PCDHAC1: variants seen among roughly 807,000 people sequenced by gnomAD.
The protein encoded by PCDHAC1 is protocadherin alpha-C1.
Under a neutral mutation model 60.0 loss-of-function variants are expected in PCDHAC1, and 42 were observed. The observed-to-expected ratio is 0.70, with a 90% confidence interval of 0.55 to 0.90. The LOEUF is 0.90. Among genes scored for constraint, PCDHAC1 ranks in the 40% least tolerant of loss-of-function variants. The pLI is 0.00. For missense variants in PCDHAC1, 1,160 were observed against 1,222.3 expected, an observed-to-expected ratio of 0.95 and a Z score of 0.76; for synonymous variants, 468 against 499.3, an observed-to-expected ratio of 0.94 and a Z score of 0.84.
At chr5:140,966,663 A>C in intron 1 of PCDHAC1, 1 of 1,237,556 alleles carries the variant, frequency 8.1e-7, no homozygotes, top group East Asian at 3.0e-5. Context: ...GTGGGGGAGC[A>C]GGCGCAGGGT....
Position 140,966,822 on chromosome 5 carries a change from C to A in PCDHAC1, c.2434-12127C>A, listed in dbSNP as rs1329460642. 9 of 1,558,948 alleles carry A rather than the reference C, an allele frequency of 5.8e-6. No individual in the cohort carries two copies. In the Admixed American group the frequency reaches 7.5e-5, roughly 13 times the overall value. On this transcript the variant is annotated intron_variant, in intron 1 of 3. Transcript: ENST00000253807. ...ACAGAGCATCCACGGCTCCGGCGGC[C>A]CATGCCCTGGCTGCTGCTACTGCCT... is the stretch of plus-strand genomic sequence containing the variant.
rs1291498310 is a variant in PCDHAC1, at chr5:140,946,680, G to A, written c.2433+17355G>A. Among the ~76,000 whole-genome samples, 6 of 145,092 alleles carry A rather than the reference G, an allele frequency of 4.1e-5. No homozygotes were observed. In the East Asian group the frequency reaches 9.9e-4, roughly 24 times the overall value. On this transcript the variant is annotated intron_variant, in intron 1 of 3. Coordinates refer to ENST00000253807, the MANE Select transcript of PCDHAC1 (RefSeq NM_018898.5). ...TAGAAAGAATGAAATCCTGTCATTCGTGACAATATGGATGAATCTGGAGGT... is the reference window on the plus strand; with the variant it reads ...TAGAAAGAATGAAATCCTGTCATTCATGACAATATGGATGAATCTGGAGGT...
chr5:140,952,712 C>A (rs567610262), intron 1 of PCDHAC1, among the ~76,000 whole-genome samples: 3 of 152,298 alleles, frequency 2.0e-5, no homozygotes, highest in Middle Eastern at 3.4e-3. Context: ...CTCTCAGTAT[C>A]AATTTTCTGT....
intron 3 of PCDHAC1, among the ~76,000 whole-genome samples, chr5:140,989,227 C>T (rs933142074): frequency 2.6e-5 from 4 of 152,162 alleles, no homozygotes; most frequent in African/African-American, 9.7e-5. Flanking sequence ...TTCTTTGTAG[C>T]TGAAGTTTTA....
intron 2 of PCDHAC1, 72 bp downstream of exon 2, chr5:140,979,079 T>C (rs1019875909): frequency 9.5e-6 from 15 of 1,584,162 alleles, no homozygotes; most frequent in African/African-American, 6.8e-5. Flanking sequence ...TGCATCTCCA[T>C]AGGCCAGAAG....
At chr5:140,966,937 C>A in intron 1 of PCDHAC1, 1 of 1,604,032 alleles carries the variant, frequency 6.2e-7, no homozygotes. Context: ...CCGGCGCGCT[C>A]GTGGGCAACG....
intron 3 of PCDHAC1, among the ~76,000 whole-genome samples, chr5:141,008,123 G>A (rs1437358425): frequency 6.6e-6 from 1 of 152,144 alleles, no homozygotes; most frequent in East Asian, 1.9e-4. Context: ...GTTTCAAGAA[G>A]GGGATGACAA....
intron 1 of PCDHAC1, among the ~76,000 whole-genome samples, chr5:140,978,370 A>T (rs78042832): frequency 6.6e-6 from 1 of 152,200 alleles, no homozygotes; most frequent in Non-Finnish European, 1.5e-5. Context: ...AAACTCTGCA[A>T]TAGTTTGTTT....
chr5:140,969,076 T>C, intron 1 of PCDHAC1: 2 of 1,614,162 alleles, frequency 1.2e-6, no homozygotes, highest in South Asian at 2.2e-5. Flanking sequence ...GGATACCGCA[T>C]GGCCTCAAAG....
At chr5:140,939,712 C>T (rs1019626550) in intron 1 of PCDHAC1, among the ~76,000 whole-genome samples, 2 of 152,256 alleles carry the variant, frequency 1.3e-5, no homozygotes, top group East Asian at 1.9e-4. Context: ...TTGTGAGATA[C>T]ATTTATATTG....
chr5:141,009,582 G>A, intron 3 of PCDHAC1, 45 bp from the exon 4 acceptor site: 1 of 1,590,226 alleles, frequency 6.3e-7, no homozygotes, highest in Non-Finnish European at 8.6e-7. Context: ...GGCATCAAGA[G>A]CATGTGTTGA....
intron 1 of PCDHAC1, among the ~76,000 whole-genome samples, chr5:140,977,651 G>T (rs1554238723): frequency 6.6e-6 from 1 of 152,136 alleles, no homozygotes; most frequent in East Asian, 1.9e-4. Flanking sequence ...CCTTGACTTT[G>T]GCTAATTCTC....
At chr5:140,953,124 A>G (rs1554220816) in intron 1 of PCDHAC1, among the ~76,000 whole-genome samples, 1 of 152,150 alleles carries the variant, frequency 6.6e-6, no homozygotes, top group African/African-American at 2.4e-5. Flanking sequence ...ACAGATCTAA[A>G]CCGTATCACT....
rs543069895 is a variant in PCDHAC1, at chr5:140,958,338, G to A, written c.2434-20611G>A. 2.0e-4 allele frequency among the ~76,000 whole-genome samples: 30 copies of A among 152,108 alleles called. No homozygotes were observed. In the South Asian group the frequency reaches 6.0e-3, roughly 31 times the overall value. ...GAGCTCAAAAAATAAATAAATCACA[G>A]GAAGTTCACAGTCTGACTTTATCAG... On this transcript the variant is annotated intron_variant, in intron 1 of 3. Transcript: ENST00000253807.
At chr5:140,937,614 C>A (rs561420642) in intron 1 of PCDHAC1, among the ~76,000 whole-genome samples, 1 of 149,010 alleles carries the variant, frequency 6.7e-6, no homozygotes, top group Non-Finnish European at 1.5e-5. Flanking sequence ...GATACTCCAT[C>A]TAAAAAGAAA....
chr5:140,962,237 C>G (rs982591816), intron 1 of PCDHAC1, among the ~76,000 whole-genome samples: 5 of 152,108 alleles, frequency 3.3e-5, no homozygotes, highest in Non-Finnish European at 5.9e-5. Context: ...TTCACTTAAC[C>G]ATTTTCTTCA....
At position 141,011,699 on chromosome 5, in the gene PCDHAC1, A is replaced by G. The variant is rs537913184; in HGVS notation, c.*1762A>G. 6.5e-6 allele frequency: 1 copy of G among 153,890 alleles called. No homozygotes were observed. Among genetic ancestry groups the G allele is most frequent in the African/African-American group, 2.4e-5 (1 of 41,578 alleles). 9.5% of individuals were successfully genotyped at this position (153,890 alleles called of 1,614,324 possible). A position where few individuals can be genotyped will look rare whatever the true frequency, so the allele number is the denominator to read the frequency against. ...TTGTTCTAGTAACAATTTTGGAATG[A>G]ATACTGACAATATTCCATGAGGGTG... On this transcript the variant is annotated 3_prime_UTR_variant, in exon 4 of 4. Coordinates refer to ENST00000253807, the MANE Select transcript of PCDHAC1 (RefSeq NM_018898.5).
chr5:140,941,284 TTCTC>T (rs1234192371), intron 1 of PCDHAC1, among the ~76,000 whole-genome samples: 2 of 124,572 alleles, frequency 1.6e-5, no homozygotes, highest in African/African-American at 2.8e-5. Flanking sequence ...CTTCCTTCCT[TTCTC>T]TTTCTTTCTT....
intron 1 of PCDHAC1, 166 bp from the exon 2 acceptor site, chr5:140,978,783 A>G: frequency 1.0e-6 from 1 of 972,136 alleles, no homozygotes. Context: ...TTTCTTCTAA[A>G]GTGCTATATA....
Sources: allele counts gnomAD v4.1 joint callset (sites outside exome capture counted in the v4.1 genomes callset), GRCh38; gene constraint gnomAD v4.1.1; transcripts MANE v1.5; gene names NCBI Gene and HGNC (gene_info 2026-07-23, HGNC 2026-07-21).